MALT1: variants seen among roughly 807,000 people sequenced by gnomAD.
The protein encoded by MALT1 is MALT1 paracaspase.
MALT1 carries 36 observed loss-of-function variants against 85.5 expected under a neutral mutation model. The observed-to-expected ratio is 0.42, with a 90% CI of 0.32 to 0.56. The LOEUF (loss-of-function observed/expected upper bound fraction) is 0.56, where lower values mean the gene tolerates loss of function less well. Ranked by LOEUF, MALT1 falls within the 20% of genes least tolerant of loss-of-function variation. The probability of loss-of-function intolerance (pLI) is 0.10; values close to 1 mark genes in which losing one functional copy is unlikely to be tolerated. For synonymous variants in MALT1, 359 were observed against 361.3 expected, an observed-to-expected ratio of 0.99 and a Z score of 0.07; for missense variants, 716 against 981.6, an observed-to-expected ratio of 0.73 and a Z score of 3.62.
chr18:58,692,989 G>C (rs991819377), intron 2 of MALT1, among the ~76,000 whole-genome samples: 3 of 152,238 alleles, frequency 2.0e-5, no homozygotes, highest in African/African-American at 7.2e-5. Flanking sequence ...TGAAGACAGA[G>C]AGGTGAGGAA....
At chr18:58,674,889 C>T (rs886890420) in intron 1 of MALT1, among the ~76,000 whole-genome samples, 24 of 152,288 alleles carry the variant, frequency 1.6e-4, no homozygotes, top group African/African-American at 5.3e-4. Flanking sequence ...TGACACTTTA[C>T]ATCTTTCCTC....
intron 1 of MALT1, among the ~76,000 whole-genome samples, chr18:58,678,461 G>T (rs2054272971): frequency 6.6e-6 from 1 of 152,114 alleles, no homozygotes; most frequent in Non-Finnish European, 1.5e-5. Context: ...GTCTGCGTGT[G>T]TGTGTGTATA....
intron 2 of MALT1, among the ~76,000 whole-genome samples, chr18:58,696,012 G>A (rs943782348): frequency 2.6e-5 from 4 of 152,248 alleles, no homozygotes; most frequent in African/African-American, 9.6e-5. Flanking sequence ...CCCTGTGGCT[G>A]TGCCTGACAG....
intron 14 of MALT1, among the ~76,000 whole-genome samples, chr18:58,743,159 G>C (rs545502133): frequency 9.2e-5 from 14 of 152,274 alleles, no homozygotes; most frequent in African/African-American, 2.9e-4. Context: ...TAGATCACCT[G>C]AGGTCAGGGG....
At chr18:58,713,200 A>C (rs1053297632) in intron 7 of MALT1, among the ~76,000 whole-genome samples, 1 of 152,186 alleles carries the variant, frequency 6.6e-6, no homozygotes, top group African/African-American at 2.4e-5. Context: ...AAAAGTATGA[A>C]TAGTATATAA....
chr18:58,753,743 A>G lies in MALT1; in HGVS notation c.*5901A>G, dbSNP rs1211658105. 2.6e-5 allele frequency: 4 copies of G among 152,250 alleles called. No homozygotes were observed. Among genetic ancestry groups the G allele is most frequent in the African/African-American group, 9.6e-5 (4 of 41,464 alleles). The allele number at this position is 152,250 out of a possible 1,614,324, so 9.4% of individuals were successfully genotyped here. On this transcript the variant is annotated 3_prime_UTR_variant, in exon 17 of 17. Transcript: ENST00000649217. Reference sequence around the variant, plus strand: ...CAATGACTGTATAATTTTAAAATACAGATATGCACAATTGTGTAATGTAAA... The same window carrying G: ...CAATGACTGTATAATTTTAAAATACGGATATGCACAATTGTGTAATGTAAA...
intron 9 of MALT1, among the ~76,000 whole-genome samples, chr18:58,717,600 G>A (rs2054920636): frequency 6.6e-6 from 1 of 151,952 alleles, no homozygotes; most frequent in East Asian, 1.9e-4. Context: ...GAGAAGATAG[G>A]CTGGGTGTGG....
intron 13 of MALT1, among the ~76,000 whole-genome samples, chr18:58,737,487 A>G (rs1354204882): frequency 6.6e-6 from 1 of 152,120 alleles, no homozygotes; most frequent in African/African-American, 2.4e-5. Context: ...CTCAAAAAAA[A>G]AAAAAAAGAA....
At chr18:58,713,501 G>A (rs1395177106) in intron 7 of MALT1, among the ~76,000 whole-genome samples, 1 of 152,084 alleles carries the variant, frequency 6.6e-6, no homozygotes, top group East Asian at 1.9e-4. Context: ...CACCTGAGCA[G>A]GTGTCAGAAC....
Position 58,713,292 on chromosome 18 carries a change from T to C in MALT1, c.959-791T>C, listed in dbSNP as rs79160327. ...ATAGCTATAATGTCATTACTTATTTTACCTATCCATTGGCCATGATAAGAT... is the reference window on the plus strand; with the variant it reads ...ATAGCTATAATGTCATTACTTATTTCACCTATCCATTGGCCATGATAAGAT... On this transcript the variant is annotated intron_variant, in intron 7 of 16. Coordinates refer to ENST00000649217, the MANE Select transcript of MALT1 (RefSeq NM_006785.4). Among the ~76,000 whole-genome samples, 1,153 of 152,306 alleles carry C rather than the reference T, an allele frequency of 7.6e-3. 20 individuals carry two copies. The highest frequency in any genetic ancestry group is 0.027 in the African/African-American group (1,116 of 41,574).
chr18:58,690,505 G>C (rs1163023228), intron 2 of MALT1: 1 of 173,798 alleles, frequency 5.8e-6, no homozygotes, highest in Non-Finnish European at 1.3e-5. Context: ...GAGTGTACGA[G>C]ATCCCTGGAC....
intron 6 of MALT1, among the ~76,000 whole-genome samples, chr18:58,710,421 C>CTGA (rs1194712883): frequency 2.6e-5 from 4 of 152,150 alleles, no homozygotes; most frequent in Non-Finnish European, 5.9e-5. Flanking sequence ...CAGTGGCTCA[C>CTGA]ACCTGTAATC....
chr18:58,749,004 T>C lies in MALT1; in HGVS notation c.*1162T>C. 4.8e-6 allele frequency: 1 copy of C among 209,502 alleles called. No homozygotes were observed. The highest frequency in any genetic ancestry group is 5.9e-5 in the Admixed American group (1 of 16,972). The allele number at this position is 209,502 out of a possible 1,614,324, so 13.0% of individuals were successfully genotyped here. On this transcript the variant is annotated 3_prime_UTR_variant, in exon 17 of 17. Transcript: ENST00000649217. Reference sequence around the variant, plus strand: ...TTCCTTATTAATACAAACACAAAAATCATTAACAAAAATATTAGCAAACTG... The same window carrying C: ...TTCCTTATTAATACAAACACAAAAACCATTAACAAAAATATTAGCAAACTG...
chr18:58,732,641 A>C (rs1432641725), intron 10 of MALT1, among the ~76,000 whole-genome samples: 1 of 152,064 alleles, frequency 6.6e-6, no homozygotes, highest in African/African-American at 2.4e-5. Context: ...TTAAATACTT[A>C]CTAAGCTCCT....
chr18:58,700,690 A>G (rs2054658986), intron 4 of MALT1, 99 bp downstream of exon 4: 2 of 1,120,630 alleles, frequency 1.8e-6, no homozygotes, highest in South Asian at 2.2e-5. Flanking sequence ...ATCAAAAAAC[A>G]TAGCAAAATT....
chr18:58,705,774 G>A (rs555865096), intron 4 of MALT1, among the ~76,000 whole-genome samples: 8 of 152,106 alleles, frequency 5.3e-5, no homozygotes, highest in Non-Finnish European at 1.0e-4. Flanking sequence ...GAATAATGCC[G>A]CAGTAAACAT....
At chr18:58,712,587 C>G (rs2144395514) in intron 7 of MALT1, among the ~76,000 whole-genome samples, 1 of 152,126 alleles carries the variant, frequency 6.6e-6, no homozygotes, top group East Asian at 1.9e-4. Flanking sequence ...TACAGACCTG[C>G]AGTTAGAAGG....
chr18:58,739,777 C>G (rs749235242), intron 13 of MALT1, among the ~76,000 whole-genome samples: 5 of 149,590 alleles, frequency 3.3e-5, no homozygotes, highest in Non-Finnish European at 5.9e-5. Context: ...AAGTCAGTCC[C>G]TTCTTCTCAC....
intron 9 of MALT1, among the ~76,000 whole-genome samples, chr18:58,722,571 C>G (rs1457923473): frequency 7.1e-6 from 1 of 141,190 alleles, no homozygotes; most frequent in Non-Finnish European, 1.5e-5. Flanking sequence ...TTGATATTTC[C>G]CCTCATTCAC....
Sources: allele counts gnomAD v4.1 joint callset (sites outside exome capture counted in the v4.1 genomes callset), GRCh38; gene constraint gnomAD v4.1.1; transcripts MANE v1.5; gene names NCBI Gene and HGNC (gene_info 2026-07-23, HGNC 2026-07-21).